The following TP53BP1 variants were observed in gnomAD, a reference collection of about 807,000 sequenced individuals.
TP53BP1 encodes the protein TP53-binding protein 1.
TP53BP1 carries 61 observed loss-of-function variants against 200.8 expected under a neutral mutation model. That is an observed-to-expected ratio of 0.30 (90% CI 0.25 to 0.38). TP53BP1 has a LOEUF of 0.38. TP53BP1 is among the 10% of genes least tolerant of loss of function. The probability of loss-of-function intolerance (pLI) is 1.00; values close to 1 mark genes in which losing one functional copy is unlikely to be tolerated. For synonymous variants in TP53BP1, 822 were observed against 844.3 expected (o/e 0.97, Z 0.46); for missense variants, 2,144 against 2,371.9 (o/e 0.90, Z 2.00).
At chr15:43,502,019 G>T (rs1222009859) in intron 1 of TP53BP1, among the ~76,000 whole-genome samples, 1 of 152,178 alleles carries the variant, frequency 6.6e-6, no homozygotes, top group Non-Finnish European at 1.5e-5. Flanking sequence ...GCCAAAAACA[G>T]TTTTTGAAAA....
Position 43,407,496 on chromosome 15 carries a change from C to T in TP53BP1, c.5821G>A (p.Ala1941Thr), listed in dbSNP as rs746684077. The change falls in exon 28 of 28, where the codon GCA (alanine) becomes ACA (threonine). Residue 1941 changes from alanine to threonine, a missense_variant. Ala to Thr is a moderately conservative substitution (Grantham distance 58). Coordinates refer to ENST00000382044, the MANE Select transcript of TP53BP1 (RefSeq NM_001141980.3). The part of the protein sequence containing the change: ...CPASVLKCAE[A>T]LQLPVVSQEW... Reference sequence around the variant, plus strand: ...TGTGACACCACAGGCAGCTGCAATGCTTCAGCACACTTCAGCACCGAGGCT... The same window carrying T: ...TGTGACACCACAGGCAGCTGCAATGTTTCAGCACACTTCAGCACCGAGGCT... The T allele has an allele frequency of 5.6e-6, 9 of 1,614,102 alleles. No individual in the cohort carries two copies. Among genetic ancestry groups the T allele is most frequent in the Non-Finnish European group, 6.8e-6 (8 of 1,180,044 alleles).
intron 18 of TP53BP1, among the ~76,000 whole-genome samples, chr15:43,424,464 T>C (rs973012022): frequency 6.6e-6 from 1 of 152,244 alleles, no homozygotes; most frequent in Non-Finnish European, 1.5e-5. Context: ...TGTTTTCACA[T>C]CTGCAAAATG....
At chr15:43,432,044 A>G (rs1355192525) in intron 17 of TP53BP1, 150 bp downstream of exon 17, 9 of 1,057,564 alleles carry the variant, frequency 8.5e-6, no homozygotes, top group Non-Finnish European at 1.2e-5. Flanking sequence ...CCATATCTGT[A>G]TCTTAGAAAA....
In TP53BP1 at chr15:43,406,315, C is replaced by A; in HGVS notation, c.*1068G>T. The A allele has an allele frequency of 4.0e-6, 1 of 252,118 alleles. No homozygotes were observed. The highest frequency in any genetic ancestry group is 4.8e-5 in the South Asian group (1 of 20,694). 15.6% of individuals were successfully genotyped at this position (252,118 alleles called of 1,614,324 possible). A position where few individuals can be genotyped will look rare whatever the true frequency, so the allele number is the denominator to read the frequency against. ...TTCTGGCATCAGGTTATAGTCACTG[C>A]ATCTGGTTTTCATCACTACATATTC... On this transcript the variant is annotated 3_prime_UTR_variant, in exon 28 of 28. Transcript: ENST00000382044.
At chr15:43,467,629 G>A (rs948500139) in intron 11 of TP53BP1, among the ~76,000 whole-genome samples, 5 of 151,994 alleles carry the variant, frequency 3.3e-5, no homozygotes, top group Admixed American at 3.3e-4. Flanking sequence ...TTTGTGGCCA[G>A]GCATCATCTC....
At chr15:43,463,661 T>C (rs1025199790) in intron 11 of TP53BP1, among the ~76,000 whole-genome samples, 1 of 151,974 alleles carries the variant, frequency 6.6e-6, no homozygotes, top group South Asian at 2.1e-4. Context: ...GAAAAGGTAA[T>C]CTATTTAGCA....
chr15:43,487,615 A>G (rs571893946), intron 4 of TP53BP1, among the ~76,000 whole-genome samples: 1 of 152,198 alleles, frequency 6.6e-6, no homozygotes, highest in South Asian at 2.1e-4. Context: ...CAACATGGTG[A>G]AATCCCGCCT....
chr15:43,441,670 G>C, intron 14 of TP53BP1, 87 bp from the exon 15 acceptor site: 1 of 809,822 alleles, frequency 1.2e-6, no homozygotes. Flanking sequence ...TGCTCTACTA[G>C]TATTTGCAAA....
In TP53BP1 at chr15:43,439,147, A is replaced by G. The variant is rs77287199; in HGVS notation, c.3099-731T>C. Among the ~76,000 whole-genome samples, 1,495 of 152,292 alleles carry G rather than the reference A, an allele frequency of 9.8e-3. 27 individuals are homozygous for G. Among genetic ancestry groups the G allele is most frequent in the African/African-American group, 0.034 (1,422 of 41,558 alleles). On this transcript the variant is annotated intron_variant, in intron 15 of 27. Coordinates refer to ENST00000382044, the MANE Select transcript of TP53BP1 (RefSeq NM_001141980.3). ...GGCAGTCCATTATACTACTCTCTCT[A>G]CTTTCGTATATGCTTGAAACCTTCT...
chr15:43,477,087 T>G (rs2078894492), intron 8 of TP53BP1, among the ~76,000 whole-genome samples: 1 of 152,024 alleles, frequency 6.6e-6, no homozygotes, highest in African/African-American at 2.4e-5. Flanking sequence ...GATCACAAGG[T>G]CAGGAGATCA....
rs749575788 is a variant in TP53BP1, at chr15:43,447,488, GAA to G, written c.2717-5_2717-4del. 0.01 allele frequency: 9,386 copies of G among 921,672 alleles called. No individual in the cohort carries two copies. Among genetic ancestry groups the G allele is most frequent in the South Asian group, 0.015 (491 of 33,324 alleles). 57.1% of individuals were successfully genotyped at this position (921,672 alleles called of 1,614,324 possible). On this transcript the variant is annotated splice_region_variant and splice_polypyrimidine_tract_variant and intron_variant, in intron 12 of 27. Coordinates refer to ENST00000382044, the MANE Select transcript of TP53BP1 (RefSeq NM_001141980.3). ...CAAAGTGAAATGAAATGGGGTTTCT[GAA>G]AAAAAAAAAAAAAAGAAAAAAGAAA...
At chr15:43,474,473 AAGG>A (rs2046807289) in intron 10 of TP53BP1, among the ~76,000 whole-genome samples, 197 bp downstream of exon 10, 2 of 152,046 alleles carry the variant, frequency 1.3e-5, no homozygotes, top group South Asian at 2.1e-4. Context: ...AAAAAAAAAA[AAGG>A]AAGGAAGGAA....
rs1210033552 is a variant in TP53BP1 at position 43,406,654 on chromosome 15, G to A, written c.*729C>T. On this transcript the variant is annotated 3_prime_UTR_variant, in exon 28 of 28. Transcript: ENST00000382044. ...AGAATGAGAAGCCATGCAGGGATCA[G>A]TGATGCCAGAGGAAGGGAAGGAACT... 1 of 454,820 alleles carries A rather than the reference G, an allele frequency of 2.2e-6. No individual in the cohort carries two copies. Among genetic ancestry groups the A allele is most frequent in the South Asian group, 1.6e-5 (1 of 64,188 alleles). 28.2% of individuals were successfully genotyped at this position (454,820 alleles called of 1,614,324 possible). A position where few individuals can be genotyped will look rare whatever the true frequency, so the allele number is the denominator to read the frequency against.
chr15:43,442,868 C>T (rs2045962199), intron 14 of TP53BP1, among the ~76,000 whole-genome samples: 1 of 119,388 alleles, frequency 8.4e-6, no homozygotes, highest in Non-Finnish European at 1.6e-5. Context: ...CTCTGTTGCT[C>T]AGGCTGGAGT....
intron 4 of TP53BP1, among the ~76,000 whole-genome samples, chr15:43,485,583 A>G (rs1400136060): frequency 7.2e-6 from 1 of 139,664 alleles, no homozygotes; most frequent in Non-Finnish European, 1.6e-5. Context: ...TCTCAAAAAA[A>G]AAAAAAGAAA....
intron 11 of TP53BP1, among the ~76,000 whole-genome samples, chr15:43,459,963 A>G (rs1229976182): frequency 6.6e-6 from 1 of 152,236 alleles, no homozygotes; most frequent in Non-Finnish European, 1.5e-5. Flanking sequence ...TATACTGGGC[A>G]GCAGGGAGAT....
intron 16 of TP53BP1, among the ~76,000 whole-genome samples, chr15:43,435,115 T>A (rs941003109): frequency 2.6e-5 from 4 of 151,578 alleles, no homozygotes; most frequent in African/African-American, 9.7e-5. Context: ...ACAAAAAAAA[T>A]AGCCATGTGT....
chr15:43,487,532 C>T (rs1321272765), intron 4 of TP53BP1, among the ~76,000 whole-genome samples: 1 of 152,112 alleles, frequency 6.6e-6, no homozygotes, highest in African/African-American at 2.4e-5. Context: ...GTGACTCACA[C>T]CTATAATCTC....
rs781427855 is a variant in TP53BP1 at position 43,407,407 on chromosome 15, A to G, written c.5910T>C (p.Tyr1970=). Residue 1970 remains tyrosine, a synonymous_variant, in exon 28 of 28, where the codon TAT becomes TAC. Transcript: ENST00000382044. Reference sequence around the variant, plus strand: ...TTTAGTGAGAAACATAATCGTGTTTATATTTTGGATGCTGCTTGAATCCAA... The same window carrying G: ...TTTAGTGAGAAACATAATCGTGTTTGTATTTTGGATGCTGCTTGAATCCAA... ...ERIGFKQHPK[Y]KHDYVSH 3.7e-6 allele frequency: 6 copies of G among 1,614,080 alleles called. No homozygotes were observed. The highest frequency in any genetic ancestry group is 2.2e-5 in the East Asian group (1 of 44,896).
Sources: allele counts gnomAD v4.1 joint callset (sites outside exome capture counted in the v4.1 genomes callset), GRCh38; gene constraint gnomAD v4.1.1; transcripts MANE v1.5; gene names NCBI Gene and HGNC (gene_info 2026-07-23, HGNC 2026-07-21).